The following C8orf34 variants were observed in gnomAD, a reference collection of about 807,000 sequenced individuals.
C8orf34 encodes the protein chromosome 8 open reading frame 34, also known as uncharacterized protein C8orf34.
In C8orf34, 65 loss-of-function variants were observed where a neutral mutation model predicts 68.3. That is an observed-to-expected ratio of 0.95 (90% CI 0.78 to 1.17). C8orf34 has a LOEUF of 1.17. C8orf34 is among the 50% of genes most tolerant of loss of function. C8orf34 has a pLI of 0.00. For synonymous variants in C8orf34, 244 were observed against 241.2 expected, an observed-to-expected ratio of 1.01 and a Z score of -0.11; for missense variants, 664 against 655.4, an observed-to-expected ratio of 1.01 and a Z score of -0.14.
Position 68,474,271 on chromosome 8 carries a change from G to A in C8orf34, c.736+5451G>A, listed in dbSNP as rs377287669. On this transcript the variant is annotated intron_variant, in intron 4 of 13. Transcript: ENST00000518698. ...CCTCCCTCTTCAAATGTGACCTTTC[G>A]GCTGCATGCTGTGTGTTAGGTGGTG... 6.6e-5 allele frequency among the ~76,000 whole-genome samples: 10 copies of A among 152,120 alleles called. No homozygotes were observed. The East Asian group carries it at 7.7e-4, about 12-fold the overall frequency.
At chr8:68,519,440 A>G (rs905460379) in intron 5 of C8orf34, among the ~76,000 whole-genome samples, 4 of 152,212 alleles carry the variant, frequency 2.6e-5, no homozygotes, top group Non-Finnish European at 5.9e-5. Context: ...GACACACAGC[A>G]ATTCTATTTT....
intron 8 of C8orf34, among the ~76,000 whole-genome samples, chr8:68,702,488 C>T (rs578143348): frequency 1.3e-5 from 2 of 152,154 alleles, no homozygotes; most frequent in East Asian, 1.9e-4. Context: ...AATTCTTATT[C>T]AATTCAAAAA....
At chr8:68,553,884 G>GAAAAAAAAA (rs5892149) in intron 7 of C8orf34, among the ~76,000 whole-genome samples, 1 of 151,754 alleles carries the variant, frequency 6.6e-6, no homozygotes. Flanking sequence ...AAAGTTTTAT[G>GAAAAAAAAA]AAAAAAAATG....
At chr8:68,636,494 A>G (rs1331103694) in intron 7 of C8orf34, among the ~76,000 whole-genome samples, 1 of 152,000 alleles carries the variant, frequency 6.6e-6, no homozygotes, top group Non-Finnish European at 1.5e-5. Flanking sequence ...CTGAGGCATG[A>G]GAATTGCTTG....
At position 68,742,091 on chromosome 8, in the gene C8orf34, C is replaced by A. The variant is rs115138883; in HGVS notation, c.1404+20654C>A. On this transcript the variant is annotated intron_variant, in intron 10 of 13. Transcript: ENST00000518698. ...TTCTTCTTCTGGACTTGAACTCCAG[C>A]GTGTCAGTGGTAATACCCTCCTTTT... Among the ~76,000 whole-genome samples the A allele has an allele frequency of 7.8e-3, 1,188 of 152,256 alleles. 19 individuals are homozygous for A. The highest frequency in any genetic ancestry group is 0.027 in the African/African-American group (1,126 of 41,546).
At chr8:68,477,699 T>C (rs1282802184) in intron 4 of C8orf34, among the ~76,000 whole-genome samples, 2 of 152,226 alleles carry the variant, frequency 1.3e-5, no homozygotes, top group African/African-American at 4.8e-5. Context: ...TCCACCCGTG[T>C]AGCAGACTTC....
chr8:68,564,369 TTCTAGTCAGG>T (rs1462720675), intron 7 of C8orf34, among the ~76,000 whole-genome samples: 1 of 152,208 alleles, frequency 6.6e-6, no homozygotes, highest in African/African-American at 2.4e-5. Context: ...GAGAGGAATT[TTCTAGTCAGG>T]CCAACTTGGA....
chr8:68,644,433 T>C (rs930012228), intron 8 of C8orf34, among the ~76,000 whole-genome samples: 2 of 152,174 alleles, frequency 1.3e-5, no homozygotes, highest in African/African-American at 4.8e-5. Context: ...CTGATGGTAA[T>C]GATGAAGTTC....
intron 10 of C8orf34, among the ~76,000 whole-genome samples, chr8:68,774,923 A>G (rs946064291): frequency 2.1e-5 from 3 of 144,064 alleles, no homozygotes; most frequent in African/African-American, 8.1e-5. Flanking sequence ...CCTTTCCAAC[A>G]TGATGAAACC....
At chr8:68,644,052 T>A (rs1379120231) in intron 8 of C8orf34, among the ~76,000 whole-genome samples, 1 of 152,062 alleles carries the variant, frequency 6.6e-6, no homozygotes, top group East Asian at 1.9e-4. Context: ...TGTAAAGGAG[T>A]GAAGACTCTC....
chr8:68,535,519 A>C, intron 7 of C8orf34: 5 of 938,694 alleles, frequency 5.3e-6, no homozygotes, highest in Non-Finnish European at 5.1e-6. Flanking sequence ...TGAAGGGAAA[A>C]AATCCTTTTA....
chr8:68,383,548 G>A (rs568453482), intron 1 of C8orf34, among the ~76,000 whole-genome samples: 77 of 152,274 alleles, frequency 5.1e-4, no homozygotes, highest in African/African-American at 1.8e-3. Flanking sequence ...GGTCTAGAAT[G>A]TTTCTCTAAG....
intron 8 of C8orf34, among the ~76,000 whole-genome samples, chr8:68,658,914 C>G (rs1819588830): frequency 6.6e-6 from 1 of 152,064 alleles, no homozygotes; most frequent in African/African-American, 2.4e-5. Flanking sequence ...GCTAGCTCAC[C>G]TATCATAACC....
intron 8 of C8orf34, among the ~76,000 whole-genome samples, chr8:68,650,852 C>G (rs1293352233): frequency 6.6e-6 from 1 of 152,112 alleles, no homozygotes; most frequent in African/African-American, 2.4e-5. Flanking sequence ...TCACTATATA[C>G]GTGGTGACAA....
rs143713244 is a variant in C8orf34 at position 68,356,543 on chromosome 8, G to T, written c.327+25204G>T. Among the ~76,000 whole-genome samples the T allele has an allele frequency of 3.9e-5, 6 of 152,168 alleles. No homozygotes were observed. The East Asian group carries it at 1.2e-3, about 29-fold the overall frequency. On this transcript the variant is annotated intron_variant, in intron 1 of 13. Coordinates refer to ENST00000518698, the MANE Select transcript of C8orf34 (RefSeq NM_052958.4). ...ACATTTCATCATTGTAATATTAGAA[G>T]CAAGAAATTCATATTTAAATTATGA...
intron 5 of C8orf34, among the ~76,000 whole-genome samples, chr8:68,516,578 G>T (rs1332687314): frequency 6.6e-6 from 1 of 151,970 alleles, no homozygotes; most frequent in Non-Finnish European, 1.5e-5. Context: ...AAGCCATACT[G>T]CAGAAATTGG....
intron 1 of C8orf34, among the ~76,000 whole-genome samples, chr8:68,346,177 A>G (rs533288946): frequency 3.8e-4 from 57 of 151,942 alleles, no homozygotes; most frequent in African/African-American, 1.4e-3. Flanking sequence ...GAAATATGAT[A>G]TATTTTACAT....
At chr8:68,636,369 A>G (rs1387204671) in intron 7 of C8orf34, among the ~76,000 whole-genome samples, 1 of 151,754 alleles carries the variant, frequency 6.6e-6, no homozygotes, top group Admixed American at 6.6e-5. Flanking sequence ...AGGTCAGGAG[A>G]TCGAGAACAT....
chr8:68,399,817 ATC>A (rs1563406644), intron 1 of C8orf34, among the ~76,000 whole-genome samples: 3 of 152,138 alleles, frequency 2.0e-5, no homozygotes, highest in African/African-American at 7.2e-5. Context: ...CCTCACCAAC[ATC>A]TGTTATTTAT....
Sources: allele counts gnomAD v4.1 joint callset (sites outside exome capture counted in the v4.1 genomes callset), GRCh38; gene constraint gnomAD v4.1.1; transcripts MANE v1.5; gene names NCBI Gene and HGNC (gene_info 2026-07-23, HGNC 2026-07-21).